The following JAKMIP1 variants were observed in gnomAD, a reference collection of about 807,000 sequenced individuals.
JAKMIP1 encodes janus kinase and microtubule-interacting protein 1.
JAKMIP1 carries 33 observed loss-of-function variants against 113.0 expected under a neutral mutation model. The observed-to-expected ratio is 0.29, with a 90% CI of 0.22 to 0.39. JAKMIP1 has a LOEUF of 0.39. Among genes scored for constraint, JAKMIP1 ranks in the 10% least tolerant of loss-of-function variants. The pLI is 1.00. For synonymous variants in JAKMIP1, 480 were observed against 459.9 expected (o/e 1.04, Z -0.56); for missense variants, 813 against 1,080.5 (o/e 0.75, Z 3.47).
rs538602987 is a variant in JAKMIP1 at position 6,067,685 on chromosome 4, C to T, written c.1303-2677G>A. Among the ~76,000 whole-genome samples the T allele has an allele frequency of 6.7e-6, 1 of 150,070 alleles. No homozygotes were observed. Among genetic ancestry groups the T allele is most frequent in the Non-Finnish European group, 1.5e-5 (1 of 67,622 alleles). The stretch of plus-strand genomic sequence containing the variant: ...TCACCCCCTGAGCTCCAGGTTCACT[C>T]AAGCTCTTCTGCACACACAGGTCAC... On this transcript the variant is annotated intron_variant, in intron 8 of 20. Transcript: ENST00000409021. The surrounding 1 kb of genome is among the most constrained non-coding windows in gnomAD (Gnocchi z 4.6).
intron 3 of JAKMIP1, among the ~76,000 whole-genome samples, chr4:6,103,114 A>G (rs1360071103): frequency 1.3e-5 from 2 of 152,182 alleles, no homozygotes; most frequent in Non-Finnish European, 2.9e-5. Context: ...GAAATGTTCA[A>G]TATTTCATCA....
chr4:6,063,558 G>T (rs571794983), intron 9 of JAKMIP1, among the ~76,000 whole-genome samples: 2 of 152,278 alleles, frequency 1.3e-5, no homozygotes, highest in African/African-American at 2.4e-5. Flanking sequence ...GGAGGATGGT[G>T]TGTCTCTCCC....
intron 1 of JAKMIP1, among the ~76,000 whole-genome samples, chr4:6,160,898 C>G (rs1722825156): frequency 6.6e-6 from 1 of 150,592 alleles, no homozygotes; most frequent in Non-Finnish European, 1.5e-5. Flanking sequence ...CTACCCTGAC[C>G]TCCACTAACC....
In JAKMIP1 at chr4:6,051,223, C is replaced by CTT. The variant is rs58425504; in HGVS notation, c.1807-546_1807-545dup. On this transcript the variant is annotated intron_variant, in intron 13 of 20. Coordinates refer to ENST00000409021, the MANE Select transcript of JAKMIP1 (RefSeq NM_001099433.2). This position sits in a 1 kb window ranked among gnomAD's most constrained non-coding sequence, Gnocchi z 5.0. ...GGCTGACTTTCTTTCTTTTTCTTTC[C>CTT]TTTTTTTTTTTTTTTTGAGAGGGTG... Among the ~76,000 whole-genome samples the CTT allele has an allele frequency of 8.6e-5, 12 of 139,048 alleles. No homozygotes were observed. The highest frequency in any genetic ancestry group is 1.2e-4 in the Non-Finnish European group (8 of 64,302). The allele number at this position is 139,048 out of a possible 152,430, so 91.2% of individuals were successfully genotyped here.
intron 1 of JAKMIP1, among the ~76,000 whole-genome samples, chr4:6,132,492 A>T (rs1718637923): frequency 6.6e-6 from 1 of 151,976 alleles, no homozygotes; most frequent in Non-Finnish European, 1.5e-5. Flanking sequence ...AAATACAAAA[A>T]TTAGCCAGGA....
intron 2 of JAKMIP1, among the ~76,000 whole-genome samples, chr4:6,109,789 T>C (rs1032480186): frequency 1.3e-5 from 2 of 152,134 alleles, no homozygotes; most frequent in Middle Eastern, 3.2e-3. Flanking sequence ...TTGACAGTGA[T>C]TGTGAGATCA....
chr4:6,171,222 C>T (rs6858572), intron 1 of JAKMIP1, among the ~76,000 whole-genome samples: 8,847 of 149,890 alleles, frequency 0.059, 290 homozygotes, highest in Middle Eastern at 0.099. Flanking sequence ...ATCACCACCA[C>T]CACCATTCCC....
In JAKMIP1 at chr4:6,084,849, T is replaced by C; in HGVS notation, c.951A>G (p.Glu317=). The change falls in exon 5 of 21, where the codon GAA becomes GAG. Residue 317 remains glutamate, a synonymous_variant. Transcript: ENST00000409021. ...RNTLLADERN[E]LLKRSRETEV... The stretch of plus-strand genomic sequence containing the variant: ...CCTGTCTCTTGGGGCTACTTACCAG[T>C]TCATTCCTCTCATCTGCCAACAGCG... 1 of 1,607,274 alleles carries C rather than the reference T, an allele frequency of 6.2e-7. No homozygotes were observed.
Position 6,040,109 on chromosome 4 carries a change from T to C in JAKMIP1, c.2175+530A>G, listed in dbSNP as rs1416135465. Among the ~76,000 whole-genome samples the C allele has an allele frequency of 1.2e-4, 18 of 152,204 alleles. No homozygotes were observed. Among genetic ancestry groups the C allele is most frequent in the Non-Finnish European group, 1.5e-5 (1 of 68,036 alleles). On this transcript the variant is annotated intron_variant, in intron 18 of 20. Transcript: ENST00000409021. This position sits in a 1 kb window ranked among gnomAD's most constrained non-coding sequence, Gnocchi z 5.8. ...CGTGCCAGGAGCACTTAGCTTTGAG[T>C]GTGAGGACACAGGAGTTTGAACATC...
chr4:6,046,604 C>A (rs1213681586), intron 16 of JAKMIP1, among the ~76,000 whole-genome samples: 1 of 150,668 alleles, frequency 6.6e-6, no homozygotes, highest in Non-Finnish European at 1.5e-5. Context: ...GGGCAGGGTG[C>A]AAGCGGGGAG....
At chr4:6,182,085 T>C (rs1726091318) in intron 1 of JAKMIP1, among the ~76,000 whole-genome samples, 1 of 151,888 alleles carries the variant, frequency 6.6e-6, no homozygotes. Context: ...GTCATCAGGG[T>C]GAAGCCCTCA....
intron 18 of JAKMIP1, among the ~76,000 whole-genome samples, chr4:6,038,390 A>G (rs57038441): frequency 1.9e-5 from 2 of 105,458 alleles, no homozygotes; most frequent in African/African-American, 4.8e-5. Flanking sequence ...GGCTAACCCA[A>G]TAGCCCTCTG....
At chr4:6,177,997 G>A (rs962948316) in intron 1 of JAKMIP1, among the ~76,000 whole-genome samples, 6 of 152,102 alleles carry the variant, frequency 3.9e-5, no homozygotes, top group African/African-American at 7.2e-5. Flanking sequence ...CTTCACTTCC[G>A]GCTGCAGGCT....
chr4:6,119,570 C>CA (rs142605287), intron 1 of JAKMIP1, among the ~76,000 whole-genome samples: 23,897 of 128,402 alleles, frequency 0.19, 2,085 homozygotes, highest in Non-Finnish European at 0.22. Context: ...ACAACAACAA[C>CA]AAAAAAAAAC....
Position 6,087,320 on chromosome 4 carries a change from T to C in JAKMIP1, c.625-1691A>G, listed in dbSNP as rs80221157. The stretch of plus-strand genomic sequence containing the variant: ...TGGGCCACCTCTCTGACTCAACTTC[T>C]GTCTCTGTAAAATATGGACAATAGG... On this transcript the variant is annotated intron_variant, in intron 3 of 20. Coordinates refer to ENST00000409021, the MANE Select transcript of JAKMIP1 (RefSeq NM_001099433.2). Among the ~76,000 whole-genome samples the C allele has an allele frequency of 5.2e-3, 787 of 151,966 alleles. 54 individuals carry two copies. In the East Asian group the frequency reaches 0.13, roughly 25 times the overall value.
At chr4:6,038,674 G>T (rs1467502973) in intron 18 of JAKMIP1, among the ~76,000 whole-genome samples, 2 of 152,230 alleles carry the variant, frequency 1.3e-5, no homozygotes. Context: ...ATCACCTTCA[G>T]CTCTACCCAC....
chr4:6,112,535 T>G (rs1715099924), intron 2 of JAKMIP1, among the ~76,000 whole-genome samples, 187 bp downstream of exon 2: 2 of 152,202 alleles, frequency 1.3e-5, no homozygotes, highest in Admixed American at 6.5e-5. Flanking sequence ...CAGCAAGCAC[T>G]GGTAGGGCCC....
chr4:6,175,671 C>A (rs1725263313), intron 1 of JAKMIP1, among the ~76,000 whole-genome samples: 1 of 152,236 alleles, frequency 6.6e-6, no homozygotes, highest in Admixed American at 6.5e-5. Context: ...TCCACCCAGG[C>A]AGATGGATGC....
Position 6,193,166 on chromosome 4 carries a change from C to T in JAKMIP1, c.-148+7087G>A, listed in dbSNP as rs1727467045. ...CTTCCTGCCCTCGGACATCAGACTG[C>T]AAGTTCTTCAGCTTTTGGACTCTTG... On this transcript the variant is annotated intron_variant, in intron 1 of 20. Transcript: ENST00000409021. The surrounding 1 kb of genome is among the most constrained non-coding windows in gnomAD (Gnocchi z 6.4). Among the ~76,000 whole-genome samples, 2 of 152,020 alleles carry T rather than the reference C, an allele frequency of 1.3e-5. No homozygotes were observed. The highest frequency in any genetic ancestry group is 4.1e-4 in the South Asian group (2 of 4,822).
Sources: gnomAD v4.1 joint callset for allele counts (sites outside exome capture counted in the v4.1 genomes callset) on GRCh38, gnomAD v4.1.1 for gene constraint, Gnocchi (gnomAD v3.1) non-coding constraint, MANE v1.5 for transcripts, NCBI Gene and HGNC (gene_info 2026-07-23, HGNC 2026-07-21) for gene names.